Variants in ARID5B observed in about 807,000 individuals in gnomAD.
ARID5B encodes the protein AT-rich interactive domain-containing protein 5B.
Under a neutral mutation model 97.2 loss-of-function variants are expected in ARID5B, and 13 were observed. That is an observed-to-expected ratio of 0.13 (90% CI 0.09 to 0.21). The LOEUF is 0.21. ARID5B is among the 10% of genes least tolerant of loss of function. The pLI is 1.00. For missense variants in ARID5B, 1,210 were observed against 1,465.3 expected, an observed-to-expected ratio of 0.83 and a Z score of 2.84; for synonymous variants, 556 against 570.3, an observed-to-expected ratio of 0.97 and a Z score of 0.36.
intron 4 of ARID5B, among the ~76,000 whole-genome samples, chr10:62,040,721 T>C (rs776419391): frequency 7.2e-5 from 11 of 152,206 alleles, no homozygotes; most frequent in Non-Finnish European, 1.5e-4. Context: ...ATGCAATCAA[T>C]ATAAAATGTT....
intron 8 of ARID5B, among the ~76,000 whole-genome samples, chr10:62,083,538 ATTC>A (rs1482359114): frequency 9.2e-5 from 14 of 152,034 alleles, no homozygotes; most frequent in African/African-American, 2.2e-4. Context: ...TAATGCTGTC[ATTC>A]TTCTCAGTAA....
chr10:62,040,384 A>G (rs1275807686), intron 4 of ARID5B, among the ~76,000 whole-genome samples: 1 of 152,142 alleles, frequency 6.6e-6, no homozygotes. Context: ...AACTATATAT[A>G]ACGTTTTTAC....
In ARID5B at chr10:62,093,905, C is replaced by T. The variant is rs946374563; in HGVS notation, c.*875C>T. ...TGCAAAGAACGTTCCTTTGTAGATCCGCAACTTAAGGATTTTGTTCCTCAT... is the reference window on the plus strand; with the variant it reads ...TGCAAAGAACGTTCCTTTGTAGATCTGCAACTTAAGGATTTTGTTCCTCAT... On this transcript the variant is annotated 3_prime_UTR_variant, in exon 10 of 10. Transcript: ENST00000279873. The T allele has an allele frequency of 2.1e-5, 5 of 233,242 alleles. No homozygotes were observed. The highest frequency in any genetic ancestry group is 1.8e-4 in the South Asian group (1 of 5,518). 14.4% of individuals were successfully genotyped at this position (233,242 alleles called of 1,614,324 possible). A position where few individuals can be genotyped will look rare whatever the true frequency, so the allele number is the denominator to read the frequency against.
intron 3 of ARID5B, among the ~76,000 whole-genome samples, chr10:61,985,284 A>G (rs1367662818): frequency 6.6e-6 from 1 of 151,378 alleles, no homozygotes; most frequent in Admixed American, 6.6e-5. Flanking sequence ...TACTTTTTGC[A>G]CCAACTTAAT....
At chr10:62,030,385 C>A (rs1839481106) in intron 4 of ARID5B, among the ~76,000 whole-genome samples, 2 of 152,208 alleles carry the variant, frequency 1.3e-5, no homozygotes, top group South Asian at 2.1e-4. Context: ...CCTGCCTCGG[C>A]CTCCCAAAGT....
chr10:61,940,495 T>C, intron 3 of ARID5B, 87 bp downstream of exon 3: 1 of 1,098,184 alleles, frequency 9.1e-7, no homozygotes, highest in Non-Finnish European at 1.3e-6. Flanking sequence ...CACTATCATT[T>C]ATATATAAAT....
At chr10:62,013,424 A>T (rs1015776680) in intron 4 of ARID5B, among the ~76,000 whole-genome samples, 1 of 152,202 alleles carries the variant, frequency 6.6e-6, no homozygotes, top group Non-Finnish European at 1.5e-5. Flanking sequence ...GCATTACCTC[A>T]CATACTTAAC....
chr10:61,978,302 C>T (rs1237069243), intron 3 of ARID5B, among the ~76,000 whole-genome samples: 1 of 152,192 alleles, frequency 6.6e-6, no homozygotes, highest in East Asian at 1.9e-4. Context: ...GTGATGCCTC[C>T]AGCTTTGTTC....
chr10:61,904,997 T>C (rs1382537337), intron 2 of ARID5B, among the ~76,000 whole-genome samples: 2 of 152,378 alleles, frequency 1.3e-5, no homozygotes, highest in East Asian at 3.9e-4. Context: ...TGCTGGCACC[T>C]AGAGGGGGCA....
chr10:62,072,520 G>A (rs12778514), intron 8 of ARID5B, among the ~76,000 whole-genome samples: 50,000 of 152,036 alleles, frequency 0.33, 8,972 homozygotes, highest in Non-Finnish European at 0.41. Context: ...TAGGCCATCC[G>A]CCAAGTGGGA....
chr10:61,941,176 G>T (rs61852292), intron 3 of ARID5B, among the ~76,000 whole-genome samples: 6,371 of 149,954 alleles, frequency 0.042, 227 homozygotes, highest in Non-Finnish European at 0.069. Flanking sequence ...CAGGGTTATT[G>T]TGAGATGTGA....
At chr10:61,995,965 A>G (rs1422033860) in intron 3 of ARID5B, among the ~76,000 whole-genome samples, 1 of 146,358 alleles carries the variant, frequency 6.8e-6, no homozygotes, top group African/African-American at 2.5e-5. Context: ...TTCATAAGCA[A>G]CAAAGTTATC....
chr10:61,995,870 C>T (rs1457513215), intron 3 of ARID5B, among the ~76,000 whole-genome samples: 6 of 152,188 alleles, frequency 3.9e-5, no homozygotes, highest in Non-Finnish European at 8.8e-5. Context: ...TTAAAGGCAA[C>T]TCCTCTGGGG....
chr10:61,997,142 A>T (rs550958339), intron 3 of ARID5B, among the ~76,000 whole-genome samples: 1 of 152,226 alleles, frequency 6.6e-6, no homozygotes, highest in South Asian at 2.1e-4. Flanking sequence ...TCCAGGATGC[A>T]CGGACAGTTG....
intron 3 of ARID5B, among the ~76,000 whole-genome samples, chr10:61,993,961 A>G (rs1050556909): frequency 1.3e-5 from 2 of 152,178 alleles, no homozygotes; most frequent in African/African-American, 4.8e-5. Flanking sequence ...ACGTGAGCAC[A>G]TTCATATTTC....
intron 2 of ARID5B, among the ~76,000 whole-genome samples, chr10:61,926,535 A>T (rs1038869316): frequency 3.3e-5 from 5 of 152,210 alleles, no homozygotes; most frequent in Admixed American, 2.6e-4. Flanking sequence ...AGTTTTCTGC[A>T]GCTGTGTCCT....
intron 4 of ARID5B, among the ~76,000 whole-genome samples, chr10:62,039,866 C>T (rs1839612609): frequency 6.6e-6 from 1 of 152,252 alleles, no homozygotes; most frequent in Non-Finnish European, 1.5e-5. Flanking sequence ...GCCAATGAGG[C>T]TATGCCCCTG....
intron 8 of ARID5B, among the ~76,000 whole-genome samples, chr10:62,076,170 A>G (rs1840130346): frequency 6.6e-6 from 1 of 151,448 alleles, no homozygotes; most frequent in African/African-American, 2.4e-5. Context: ...TAGAACTGGA[A>G]GATGCCATGA....
In ARID5B at chr10:61,954,461, T is replaced by G. The variant is rs564026518; in HGVS notation, c.502+14053T>G. Among the ~76,000 whole-genome samples the G allele has an allele frequency of 9.8e-5, 15 of 152,324 alleles. No individual in the cohort carries two copies. In the South Asian group the frequency reaches 3.1e-3, roughly 32 times the overall value. ...ATTGTCCTACAGACCTGCTTTTTAC[T>G]TCCTCTGATCACTCTTAGATCATGA... On this transcript the variant is annotated intron_variant, in intron 3 of 9. Coordinates refer to ENST00000279873, the MANE Select transcript of ARID5B (RefSeq NM_032199.3).
Sources: gnomAD v4.1 joint callset for allele counts (sites outside exome capture counted in the v4.1 genomes callset) on GRCh38, gnomAD v4.1.1 for gene constraint, MANE v1.5 for transcripts, NCBI Gene and HGNC (gene_info 2026-07-23, HGNC 2026-07-21) for gene names.